The following TMEM14C variants were observed in gnomAD, a reference collection of about 807,000 sequenced individuals.
TMEM14C encodes transmembrane protein 14C, also known as chromosome 6 open reading frame 53.
TMEM14C carries 13 observed loss-of-function variants against 14.8 expected under a neutral mutation model. The observed-to-expected ratio is 0.88, with a 90% CI of 0.57 to 1.40. TMEM14C has a LOEUF of 1.40. TMEM14C is among the 40% of genes most tolerant of loss of function. The probability of loss-of-function intolerance (pLI) is 0.00; values close to 1 mark genes in which losing one functional copy is unlikely to be tolerated. For synonymous variants in TMEM14C, 57 were observed against 51.3 expected (o/e 1.11, Z -0.48); for missense variants, 142 against 138.8 (o/e 1.02, Z -0.12).
In TMEM14C at chr6:10,731,016, A is replaced by G. The variant is rs1771008508; in HGVS notation, c.*350A>G. 1.0e-6 allele frequency: 1 copy of G among 999,942 alleles called. No individual in the cohort carries two copies. The highest frequency in any genetic ancestry group is 1.2e-6 in the Non-Finnish European group (1 of 839,752). The allele number at this position is 999,942 out of a possible 1,614,324, so 61.9% of individuals were successfully genotyped here. A position where few individuals can be genotyped will look rare whatever the true frequency, so the allele number is the denominator to read the frequency against. On this transcript the variant is annotated 3_prime_UTR_variant, in exon 6 of 6. Coordinates refer to ENST00000229563, the MANE Select transcript of TMEM14C (RefSeq NM_016462.4). ...CTGCTCTGAGGAACAGTGTGAAAAA[A>G]AGTCTTTTAGGAGATTTACAATATC... is the stretch of plus-strand genomic sequence containing the variant.
Position 10,728,520 on chromosome 6 carries a change from G to C in TMEM14C, c.200-120G>C, listed in dbSNP as rs954771574. On this transcript the variant is annotated intron_variant, in intron 4 of 5. Coordinates refer to ENST00000229563, the MANE Select transcript of TMEM14C (RefSeq NM_016462.4). ...CAGTAGTCTCCCCGACTTGGGGAAA[G>C]AGGAATAAGCATAGGATGAGGCGTG... is the stretch of plus-strand genomic sequence containing the variant. 2.8e-6 allele frequency: 3 copies of C among 1,060,358 alleles called. No individual in the cohort carries two copies. The African/African-American group carries it at 4.8e-5, about 17-fold the overall frequency. The allele number at this position is 1,060,358 out of a possible 1,614,324, so 65.7% of individuals were successfully genotyped here.
At chr6:10,728,911 G>A (rs1251498545) in intron 5 of TMEM14C, 184 bp downstream of exon 5, 12 of 1,381,136 alleles carry the variant, frequency 8.7e-6, no homozygotes, top group Non-Finnish European at 1.2e-5. Context: ...AATGGCATGA[G>A]TATATCCATT....
chr6:10,723,561 C>T (rs1311656097), intron 1 of TMEM14C, among the ~76,000 whole-genome samples: 1 of 151,500 alleles, frequency 6.6e-6, no homozygotes, highest in Non-Finnish European at 1.5e-5. Flanking sequence ...ATCCCAAGCC[C>T]GCTGCCCTTC....
chr6:10,724,794 C>G (rs1035072750), intron 2 of TMEM14C, among the ~76,000 whole-genome samples, 161 bp downstream of exon 2: 1 of 152,198 alleles, frequency 6.6e-6, no homozygotes, highest in Non-Finnish European at 1.5e-5. Context: ...AGTCCCAGCT[C>G]TGGCTTTGCT....
At chr6:10,728,888 A>T in intron 5 of TMEM14C, 161 bp downstream of exon 5, 1 of 1,487,492 alleles carries the variant, frequency 6.7e-7, no homozygotes, top group South Asian at 1.2e-5. Context: ...AACAATAGCT[A>T]GTTTAATGTC....
intron 4 of TMEM14C, among the ~76,000 whole-genome samples, chr6:10,727,404 A>C (rs1045612739): frequency 6.6e-6 from 1 of 152,006 alleles, no homozygotes; most frequent in Non-Finnish European, 1.5e-5. Context: ...TAGTGGCACA[A>C]CCTTGGCTCA....
rs1771003071 is a variant in TMEM14C at position 10,730,832 on chromosome 6, A to G, written c.*166A>G. On this transcript the variant is annotated 3_prime_UTR_variant, in exon 6 of 6. Coordinates refer to ENST00000229563, the MANE Select transcript of TMEM14C (RefSeq NM_016462.4). ...AGGTGGAAAATCAGTCATGATTACAAACCTACAGAGGTGGCGAGTATGTAA... is the reference window on the plus strand; with the variant it reads ...AGGTGGAAAATCAGTCATGATTACAGACCTACAGAGGTGGCGAGTATGTAA... The G allele has an allele frequency of 1.5e-6, 2 of 1,337,052 alleles. No individual in the cohort carries two copies. Among genetic ancestry groups the G allele is most frequent in the Non-Finnish European group, 1.9e-6 (2 of 1,038,962 alleles). 82.8% of individuals were successfully genotyped at this position (1,337,052 alleles called of 1,614,324 possible).
At chr6:10,725,536 T>C (rs1466237306) in intron 3 of TMEM14C, among the ~76,000 whole-genome samples, 3 of 152,148 alleles carry the variant, frequency 2.0e-5, no homozygotes, top group Non-Finnish European at 4.4e-5. Context: ...ACTGGCCTTA[T>C]CTCCTTCTCC....
Position 10,728,698 on chromosome 6 carries a change from C to G in TMEM14C, c.258C>G (p.Phe86Leu). The part of the protein sequence containing the change: ...MGMRFYHSGK[F>L]MPAGLIAGAS... ...TGAGGTTCTACCACTCTGGAAAATT[C>G]ATGCCTGCAGGTTTAATTGCAGGTG... Residue 86 changes from phenylalanine (F) to leucine (L), a missense_variant, in exon 5 of 6, where the codon TTC (phenylalanine) becomes TTG (leucine). Phe to Leu is a conservative substitution (Grantham distance 22). Coordinates refer to ENST00000229563, the MANE Select transcript of TMEM14C (RefSeq NM_016462.4). 6.2e-7 allele frequency: 1 copy of G among 1,614,222 alleles called. No individual in the cohort carries two copies. Among genetic ancestry groups the G allele is most frequent in the Non-Finnish European group, 8.5e-7 (1 of 1,180,036 alleles).
In TMEM14C at chr6:10,723,123, C is replaced by A. The variant is rs1049284910; in HGVS notation, c.-163C>A. ...CTGCGCAGGCACAACAGAGCCGCTCCCCTCTCCTCGCCCCGCCACCGGGAC... is the reference window on the plus strand; with the variant it reads ...CTGCGCAGGCACAACAGAGCCGCTCACCTCTCCTCGCCCCGCCACCGGGAC... On this transcript the variant is annotated 5_prime_UTR_variant, in exon 1 of 6. Transcript: ENST00000229563. 6.6e-6 allele frequency: 1 copy of A among 152,362 alleles called. No individual in the cohort carries two copies. Among genetic ancestry groups the A allele is most frequent in the African/African-American group, 2.4e-5 (1 of 41,470 alleles). 9.4% of individuals were successfully genotyped at this position (152,362 alleles called of 1,614,324 possible).
chr6:10,726,821 C>T (rs936221802), intron 4 of TMEM14C, among the ~76,000 whole-genome samples: 1 of 152,188 alleles, frequency 6.6e-6, no homozygotes. Flanking sequence ...CTGTGGGGCT[C>T]CACCCATGTG....
Position 10,731,083 on chromosome 6 carries a change from T to C in TMEM14C, c.*417T>C. ...TTAGACCACAGACTGACTTTGAAAT[T>C]ATGTTAAGTGAAATATCAATGAAAA... On this transcript the variant is annotated 3_prime_UTR_variant, in exon 6 of 6. Coordinates refer to ENST00000229563, the MANE Select transcript of TMEM14C (RefSeq NM_016462.4). 1.0e-6 allele frequency: 1 copy of C among 986,000 alleles called. No individual in the cohort carries two copies. The highest frequency in any genetic ancestry group is 1.7e-5 in the African/African-American group (1 of 57,404). The allele number at this position is 986,000 out of a possible 1,614,324, so 61.1% of individuals were successfully genotyped here.
Position 10,730,873 on chromosome 6 carries a change from A to G in TMEM14C, c.*207A>G. 3.2e-6 allele frequency: 4 copies of G among 1,239,994 alleles called. No individual in the cohort carries two copies. Among genetic ancestry groups the G allele is most frequent in the Non-Finnish European group, 4.1e-6 (4 of 985,794 alleles). The allele number at this position is 1,239,994 out of a possible 1,614,324, so 76.8% of individuals were successfully genotyped here. A position where few individuals can be genotyped will look rare whatever the true frequency, so the allele number is the denominator to read the frequency against. On this transcript the variant is annotated 3_prime_UTR_variant, in exon 6 of 6. Transcript: ENST00000229563. The stretch of plus-strand genomic sequence containing the variant: ...GAGTATGTAACACAAGAGCTTAATA[A>G]GACCCTCATAGAGCTTGATTCTTGT...
chr6:10,725,093 G>T lies in TMEM14C; in HGVS notation c.97+56G>T, dbSNP rs764615533. 39 of 1,597,290 alleles carry T rather than the reference G, an allele frequency of 2.4e-5. 1 individual carries two copies. The South Asian group carries it at 4.3e-4, about 18-fold the overall frequency. Reference sequence around the variant, plus strand: ...CATCTTCACGTTGTCCCAGTGAAATGTGAATGCCCGTGTCCCTGAGAAGCA... The same window carrying T: ...CATCTTCACGTTGTCCCAGTGAAATTTGAATGCCCGTGTCCCTGAGAAGCA... On this transcript the variant is annotated intron_variant, in intron 3 of 5. Transcript: ENST00000229563.
chr6:10,726,488 G>A (rs1188417968), intron 4 of TMEM14C, among the ~76,000 whole-genome samples: 1 of 152,162 alleles, frequency 6.6e-6, no homozygotes, highest in African/African-American at 2.4e-5. Flanking sequence ...TGAGAAGTTC[G>A]AGACCAGCCT....
intron 4 of TMEM14C, among the ~76,000 whole-genome samples, chr6:10,726,878 C>T (rs1330234487): frequency 2.6e-5 from 4 of 152,192 alleles, no homozygotes; most frequent in South Asian, 2.1e-4. Flanking sequence ...CTACAAACCC[C>T]GTGTGAGAAT....
rs1045911 is a variant in TMEM14C at position 10,723,216 on chromosome 6, A to G, written c.-70A>G. The G allele has an allele frequency of 3.3e-5, 5 of 152,220 alleles. No homozygotes were observed. Among genetic ancestry groups the G allele is most frequent in the Non-Finnish European group, 7.3e-5 (5 of 68,058 alleles). 9.4% of individuals were successfully genotyped at this position (152,220 alleles called of 1,614,324 possible). A position where few individuals can be genotyped will look rare whatever the true frequency, so the allele number is the denominator to read the frequency against. On this transcript the variant is annotated 5_prime_UTR_variant, in exon 1 of 6. Transcript: ENST00000229563. ...ATTCCTGCGGCTTGCGCGCCCTTGT[A>G]GACAGCCGGGGCCTTCGTGAGACCG... is the stretch of plus-strand genomic sequence containing the variant.
At position 10,728,733 on chromosome 6, in the gene TMEM14C, T is replaced by C; in HGVS notation, c.287+6T>C. On this transcript the variant is annotated splice_donor_region_variant and intron_variant, in intron 5 of 5. Transcript: ENST00000229563. ...GGTTTAATTGCAGGTGCCAGGTACTTTCATTCTATTACTCTTCTTTACCAT... is the reference window on the plus strand; with the variant it reads ...GGTTTAATTGCAGGTGCCAGGTACTCTCATTCTATTACTCTTCTTTACCAT... 2 of 1,614,218 alleles carry C rather than the reference T, an allele frequency of 1.2e-6. No homozygotes were observed. The highest frequency in any genetic ancestry group is 1.7e-6 in the Non-Finnish European group (2 of 1,180,036).
intron 5 of TMEM14C, among the ~76,000 whole-genome samples, 185 bp from the exon 6 acceptor site, chr6:10,730,430 T>G (rs895037560): frequency 1.3e-5 from 2 of 152,182 alleles, no homozygotes; most frequent in African/African-American, 4.8e-5. Context: ...TGTGTGCTAT[T>G]TTAAGACTCC....
Sources: allele counts gnomAD v4.1 joint callset (sites outside exome capture counted in the v4.1 genomes callset), GRCh38; gene constraint gnomAD v4.1.1; transcripts MANE v1.5; gene names NCBI Gene and HGNC (gene_info 2026-07-23, HGNC 2026-07-21).